Variants in PALM observed in about 807,000 individuals in gnomAD.
The protein encoded by PALM is paralemmin-1.
In PALM, 18 loss-of-function variants were observed where a neutral mutation model predicts 30.7. That is an observed-to-expected ratio of 0.59 (90% CI 0.41 to 0.87). The LOEUF is 0.87. PALM is among the 40% of genes least tolerant of loss of function. The pLI is 0.00. For synonymous variants in PALM, 286 were observed against 242.8 expected (o/e 1.18, Z -1.66); for missense variants, 529 against 555.4 (o/e 0.95, Z 0.48).
Position 746,674 on chromosome 19 carries a change from C to T in PALM, c.1024C>T (p.Pro342Ser), listed in dbSNP as rs866614708. ...EDAAEPKEPA[P>S]PNGSAAEPPT... is the part of the protein sequence containing the mutation. Reference sequence around the variant, plus strand: ...CGCGGCTGAGCCCAAGGAGCCTGCACCACCCAACGGCAGTGCTGCCGAGCC... The same window carrying T: ...CGCGGCTGAGCCCAAGGAGCCTGCATCACCCAACGGCAGTGCTGCCGAGCC... The change falls in exon 9 of 9, where the codon CCA (proline) becomes TCA (serine). Residue 342 changes from proline to serine, a missense_variant. Coordinates refer to ENST00000338448, the MANE Select transcript of PALM (RefSeq NM_002579.3). The surrounding 1 kb of genome is among the most constrained non-coding windows in gnomAD (Gnocchi z 7.1). The T allele has an allele frequency of 1.2e-6, 2 of 1,611,426 alleles. No homozygotes were observed. The highest frequency in any genetic ancestry group is 2.2e-5 in the South Asian group (2 of 90,882).
intron 6 of PALM, chr19:734,566 C>G (rs971901085): frequency 3.8e-6 from 1 of 260,430 alleles, no homozygotes; most frequent in Non-Finnish European, 7.4e-6. Flanking sequence ...TAGCCGCCGG[C>G]CAGGCCCAGT....
At chr19:731,453 G>C (rs2032872035) in intron 5 of PALM, among the ~76,000 whole-genome samples, 1 of 152,068 alleles carries the variant, frequency 6.6e-6, no homozygotes. Context: ...TTCCCCATCT[G>C]TAAGATGGGG....
intron 1 of PALM, chr19:719,135 C>T: frequency 1.0e-6 from 1 of 985,412 alleles, no homozygotes. Context: ...GCAGGGACCC[C>T]CTCGTTCTGG....
chr19:736,147 GC>G, intron 7 of PALM, 69 bp downstream of exon 7: 1 of 1,145,602 alleles, frequency 8.7e-7, no homozygotes, highest in Non-Finnish European at 1.3e-6. Context: ...GGTCCGGGGG[GC>G]CGGGTGGGGC....
At chr19:720,400 G>A (rs2032429674) in intron 1 of PALM, among the ~76,000 whole-genome samples, 2 of 143,788 alleles carry the variant, frequency 1.4e-5, no homozygotes, top group Non-Finnish European at 3.1e-5. Flanking sequence ...GGGGGGCGCC[G>A]GGTCTGGGGA....
At chr19:727,263 A>ACCTGAC (rs1568225453) in intron 3 of PALM, among the ~76,000 whole-genome samples, 175 bp downstream of exon 3, 2 of 52,160 alleles carry the variant, frequency 3.8e-5, no homozygotes, top group Non-Finnish European at 8.1e-5. Flanking sequence ...CCTGACCCCA[A>ACCTGAC]CCTGACCCCG....
chr19:711,161 A>C (rs1218481602), intron 1 of PALM: 3 of 978,768 alleles, frequency 3.1e-6, no homozygotes, highest in African/African-American at 1.8e-5. Context: ...TTTAAGGAGA[A>C]CTAGCGGGTT....
chr19:731,321 C>A, intron 5 of PALM, 76 bp downstream of exon 5: 1 of 1,342,040 alleles, frequency 7.5e-7, no homozygotes, highest in South Asian at 1.4e-5. Context: ...CCAGCCCTTC[C>A]ATGTCAGCGT....
At chr19:713,996 C>T (rs2032171452) in intron 1 of PALM, among the ~76,000 whole-genome samples, 1 of 151,410 alleles carries the variant, frequency 6.6e-6, no homozygotes, top group Admixed American at 6.6e-5. Flanking sequence ...CCTCTGCCTC[C>T]TGGGTTCAAG....
At position 746,830 on chromosome 19, in the gene PALM, C is replaced by T; in HGVS notation, c.*16C>T. On this transcript the variant is annotated 3_prime_UTR_variant, in exon 9 of 9. Transcript: ENST00000338448. The surrounding 1 kb of genome is among the most constrained non-coding windows in gnomAD (Gnocchi z 7.1). ...CATCATGTGAGCCGGCCCCCGAGAC[C>T]CCGGCCCCCACCCCACACCACAGAC... 3.4e-6 allele frequency: 5 copies of T among 1,467,732 alleles called. No homozygotes were observed. Among genetic ancestry groups the T allele is most frequent in the Non-Finnish European group, 4.5e-6 (5 of 1,100,096 alleles). The allele number at this position is 1,467,732 out of a possible 1,614,324, so 90.9% of individuals were successfully genotyped here.
intron 7 of PALM, among the ~76,000 whole-genome samples, chr19:739,667 G>A (rs1316442898): frequency 6.6e-6 from 1 of 151,968 alleles, no homozygotes; most frequent in African/African-American, 2.4e-5. Flanking sequence ...GCCAACAGAG[G>A]GAGACCCTGT....
At position 727,708 on chromosome 19, in the gene PALM, C is replaced by A; in HGVS notation, c.269+14C>A. 6.5e-7 allele frequency: 1 copy of A among 1,539,162 alleles called. No homozygotes were observed. The highest frequency in any genetic ancestry group is 8.8e-7 in the Non-Finnish European group (1 of 1,139,916). The stretch of plus-strand genomic sequence containing the variant: ...CTCGGTGTCCAGGTGGGGGCTGCAG[C>A]GTGGGTGCCACCGGGCTGGGTGGGG... On this transcript the variant is annotated intron_variant, in intron 4 of 8. Coordinates refer to ENST00000338448, the MANE Select transcript of PALM (RefSeq NM_002579.3).
At chr19:727,272 C>T (rs1299313623) in intron 3 of PALM, among the ~76,000 whole-genome samples, 184 bp downstream of exon 3, 7 of 148,590 alleles carry the variant, frequency 4.7e-5, no homozygotes, top group Admixed American at 1.3e-4. Flanking sequence ...AACCTGACCC[C>T]GACCCTGACC....
At chr19:718,037 C>CCGGG (rs1158560052) in intron 1 of PALM, among the ~76,000 whole-genome samples, 1 of 152,050 alleles carries the variant, frequency 6.6e-6, no homozygotes, top group East Asian at 1.9e-4. Context: ...CGAAAATTAG[C>CCGGG]CGGGCGTGGT....
chr19:743,626 G>C lies in PALM; in HGVS notation c.635-2659G>C, dbSNP rs536666769. 4.1e-4 allele frequency among the ~76,000 whole-genome samples: 62 copies of C among 152,332 alleles called. 1 individual carries two copies. The highest frequency in any genetic ancestry group is 6.5e-4 in the Non-Finnish European group (44 of 68,036). The stretch of plus-strand genomic sequence containing the variant: ...AACAGGAGCCCTGACCCTTGGCCGA[G>C]AGGAGGCGAGTCCCTGGGACCCCCC... On this transcript the variant is annotated intron_variant, in intron 8 of 8. Transcript: ENST00000338448.
Position 719,179 on chromosome 19 carries a change from G to C in PALM, c.6-6959G>C, listed in dbSNP as rs78795720. ...GCCCGGGCGTGGGTTCTGGAAGGAC[G>C]AGTGCGACGCCCCCATCCCACACAC... On this transcript the variant is annotated intron_variant, in intron 1 of 8. Coordinates refer to ENST00000338448, the MANE Select transcript of PALM (RefSeq NM_002579.3). 5.7e-3 allele frequency: 5,609 copies of C among 985,382 alleles called. 195 individuals are homozygous for C. In the African/African-American group the frequency reaches 0.081, roughly 14 times the overall value. The allele number at this position is 985,382 out of a possible 1,614,324, so 61.0% of individuals were successfully genotyped here.
intron 8 of PALM, among the ~76,000 whole-genome samples, chr19:743,624 G>A (rs1022329732): frequency 2.0e-5 from 3 of 152,296 alleles, no homozygotes; most frequent in South Asian, 2.1e-4. Flanking sequence ...ACCCTTGGCC[G>A]AGAGGAGGCG....
In PALM at chr19:736,630, C is replaced by T. The variant is rs978547586; in HGVS notation, c.502+552C>T. On this transcript the variant is annotated intron_variant, in intron 7 of 8. Transcript: ENST00000338448. ...CCTGGTCTGCCGCCTTGAATTTCTC[C>T]GCCTGCCAGAGGGGTGGGACCTCAG... 1.1e-4 allele frequency among the ~76,000 whole-genome samples: 16 copies of T among 152,186 alleles called. 1 individual carries two copies. The highest frequency in any genetic ancestry group is 2.9e-4 in the African/African-American group (12 of 41,458).
At chr19:734,376 A>G (rs578215820) in intron 6 of PALM, 182 bp downstream of exon 6, 5 of 599,262 alleles carry the variant, frequency 8.3e-6, no homozygotes, top group East Asian at 2.9e-5. Flanking sequence ...CCTGACCAAC[A>G]TGGCGAAACT....
Sources: gnomAD v4.1 joint callset for allele counts (sites outside exome capture counted in the v4.1 genomes callset) on GRCh38, gnomAD v4.1.1 for gene constraint, Gnocchi (gnomAD v3.1) non-coding constraint, MANE v1.5 for transcripts, NCBI Gene and HGNC (gene_info 2026-07-23, HGNC 2026-07-21) for gene names.